Variants in ANKS1B observed in about 807,000 individuals in gnomAD.
The protein encoded by ANKS1B is ankyrin repeat and sterile alpha motif domain-containing protein 1B.
Under a neutral mutation model 148.3 loss-of-function variants are expected in ANKS1B, and 36 were observed. That is an observed-to-expected ratio of 0.24 (90% CI 0.19 to 0.32). ANKS1B has a LOEUF of 0.32. Among genes scored for constraint, ANKS1B ranks in the 10% least tolerant of loss-of-function variants. The pLI is 1.00. For missense variants in ANKS1B, 1,157 were observed against 1,542.6 expected (o/e 0.75, Z 4.19); for synonymous variants, 542 against 560.8 (o/e 0.97, Z 0.47).
intron 12 of ANKS1B, among the ~76,000 whole-genome samples, chr12:99,253,010 G>A (rs932999948): frequency 8.5e-5 from 13 of 152,160 alleles, no homozygotes; most frequent in African/African-American, 3.1e-4. Context: ...GATCACTTAA[G>A]CCCAGGAGTT....
In ANKS1B at chr12:98,829,392, G is replaced by A. The variant is rs1368491267; in HGVS notation, c.2887-39C>T. 1 of 1,587,780 alleles carries A rather than the reference G, an allele frequency of 6.3e-7. No homozygotes were observed. The highest frequency in any genetic ancestry group is 1.4e-5 in the African/African-American group (1 of 73,898). On this transcript the variant is annotated intron_variant, in intron 18 of 26. Coordinates refer to ENST00000683438, the MANE Select transcript of ANKS1B (RefSeq NM_001352186.2). The surrounding 1 kb of genome is among the most constrained non-coding windows in gnomAD (Gnocchi z 5.2). ...CATCATGAAATAAATACCATGTTCT[G>A]TGGCTAACCTTTGGTTTCAAAATTG...
intron 11 of ANKS1B, among the ~76,000 whole-genome samples, chr12:99,440,574 A>G (rs2095534009): frequency 6.6e-6 from 1 of 151,878 alleles, no homozygotes; most frequent in Non-Finnish European, 1.5e-5. Context: ...AAGACGTGAA[A>G]TAACTGAAAG....
intron 17 of ANKS1B, among the ~76,000 whole-genome samples, chr12:98,930,705 T>C (rs1730899696): frequency 6.6e-6 from 1 of 151,932 alleles, no homozygotes; most frequent in Non-Finnish European, 1.5e-5. Context: ...ATTCTGTTTA[T>C]ATGAAATGTC....
At chr12:99,181,665 TG>T (rs1241451196) in intron 14 of ANKS1B, among the ~76,000 whole-genome samples, 1 of 152,078 alleles carries the variant, frequency 6.6e-6, no homozygotes, top group Non-Finnish European at 1.5e-5. Context: ...TTTATTTTTT[TG>T]TGGGTACATA....
At chr12:99,438,611 T>G (rs7953897) in intron 11 of ANKS1B, among the ~76,000 whole-genome samples, 36,858 of 151,772 alleles carry the variant, frequency 0.24, 5,441 homozygotes, top group African/African-American at 0.41. Context: ...TACTGCTAAT[T>G]CTTTATCCAA....
At chr12:99,666,880 G>GTGTGTC (rs1567601294) in intron 8 of ANKS1B, among the ~76,000 whole-genome samples, 2 of 144,108 alleles carry the variant, frequency 1.4e-5, no homozygotes, top group Admixed American at 1.4e-4. Flanking sequence ...GTGTGTGTGT[G>GTGTGTC]TGTGTGTGTG....
intron 11 of ANKS1B, among the ~76,000 whole-genome samples, chr12:99,400,043 T>C (rs2094359533): frequency 6.6e-6 from 1 of 152,126 alleles, no homozygotes; most frequent in Non-Finnish European, 1.5e-5. Context: ...AGGTTAGGCT[T>C]TTCATTTGCT....
intron 12 of ANKS1B, among the ~76,000 whole-genome samples, chr12:99,296,485 G>C (rs1052442666): frequency 2.0e-5 from 3 of 151,988 alleles, no homozygotes; most frequent in South Asian, 2.1e-4. Context: ...GGGATCTTTC[G>C]ATGGCTGGCT....
intron 12 of ANKS1B, among the ~76,000 whole-genome samples, chr12:99,305,854 A>C (rs2082268547): frequency 2.0e-5 from 3 of 152,174 alleles, no homozygotes. Context: ...GACTCCAGTA[A>C]TGGAGAACCC....
At chr12:99,150,137 C>A (rs935448385) in intron 15 of ANKS1B, among the ~76,000 whole-genome samples, 1 of 152,206 alleles carries the variant, frequency 6.6e-6, no homozygotes, top group East Asian at 1.9e-4. Flanking sequence ...TTCCCATTGG[C>A]AAAATAAGGC....
At chr12:98,947,605 T>G (rs925280009) in intron 17 of ANKS1B, among the ~76,000 whole-genome samples, 2 of 152,204 alleles carry the variant, frequency 1.3e-5, no homozygotes, top group African/African-American at 4.8e-5. Flanking sequence ...CGCAAACCAG[T>G]AATTTGATAT....
intron 9 of ANKS1B, among the ~76,000 whole-genome samples, chr12:99,574,194 A>C (rs892965842): frequency 6.6e-6 from 1 of 152,132 alleles, no homozygotes; most frequent in African/African-American, 2.4e-5. Flanking sequence ...TTACAGTTAC[A>C]TCACAGTTCA....
At chr12:99,925,580 C>A (rs1399238007) in intron 1 of ANKS1B, among the ~76,000 whole-genome samples, 2 of 152,048 alleles carry the variant, frequency 1.3e-5, no homozygotes, top group Non-Finnish European at 1.5e-5. Flanking sequence ...TCACAGCTCC[C>A]AATGCACCCT....
intron 1 of ANKS1B, among the ~76,000 whole-genome samples, chr12:99,954,671 T>C (rs565727157): frequency 6.6e-6 from 1 of 152,184 alleles, no homozygotes; most frequent in African/African-American, 2.4e-5. Flanking sequence ...CTCTAAAGCA[T>C]TGGTTCTCAA....
At chr12:98,906,125 G>A (rs1276177230) in intron 17 of ANKS1B, among the ~76,000 whole-genome samples, 2 of 152,222 alleles carry the variant, frequency 1.3e-5, no homozygotes, top group Non-Finnish European at 2.9e-5. Context: ...GGTATGGAGG[G>A]TGAGAATGTT....
chr12:99,712,680 A>G (rs1284666173), intron 8 of ANKS1B, among the ~76,000 whole-genome samples: 2 of 152,218 alleles, frequency 1.3e-5, no homozygotes, highest in African/African-American at 2.4e-5. Context: ...AAGCTAGAAA[A>G]TAAGTTATCA....
intron 17 of ANKS1B, among the ~76,000 whole-genome samples, chr12:98,923,542 C>T (rs2099804189): frequency 6.6e-6 from 1 of 152,154 alleles, no homozygotes; most frequent in South Asian, 2.1e-4. Context: ...GACTTTCATT[C>T]TGCAATTCTT....
At chr12:99,513,090 T>TC (rs1208922267) in intron 9 of ANKS1B, among the ~76,000 whole-genome samples, 2 of 151,140 alleles carry the variant, frequency 1.3e-5, no homozygotes, top group African/African-American at 4.9e-5. Context: ...TCACCTAAGC[T>TC]CCAGCAACCA....
At chr12:99,726,098 C>T (rs1462815399) in intron 8 of ANKS1B, among the ~76,000 whole-genome samples, 3 of 152,076 alleles carry the variant, frequency 2.0e-5, no homozygotes, top group Non-Finnish European at 4.4e-5. Flanking sequence ...CAAGAGCAAA[C>T]TAATCCAAAA....
Sources: allele counts gnomAD v4.1 joint callset (sites outside exome capture counted in the v4.1 genomes callset), GRCh38; gene constraint gnomAD v4.1.1; non-coding constraint Gnocchi (gnomAD v3.1); transcripts MANE v1.5; gene names NCBI Gene and HGNC (gene_info 2026-07-23, HGNC 2026-07-21).